The following PALM2AKAP2 variants were observed in gnomAD, a reference collection of about 807,000 sequenced individuals.
PALM2AKAP2 encodes PALM2-AKAP2 fusion protein.
PALM2AKAP2 carries 37 observed loss-of-function variants against 71.5 expected under a neutral mutation model. The ratio of observed to expected loss-of-function variants is 0.52; its 90% confidence interval spans 0.40 to 0.68. The LOEUF (loss-of-function observed/expected upper bound fraction) is 0.68, where lower values mean the gene tolerates loss of function less well. Among genes scored for constraint, PALM2AKAP2 ranks in the 30% least tolerant of loss-of-function variants. The pLI is 0.00. For synonymous variants in PALM2AKAP2, 468 were observed against 478.8 expected (o/e 0.98, Z 0.29); for missense variants, 1,224 against 1,191.8 (o/e 1.03, Z -0.40).
At chr9:109,728,324 A>C in intron 1 of PALM2AKAP2, among the ~76,000 whole-genome samples, 1 of 152,248 alleles carries the variant, frequency 6.6e-6, no homozygotes. Context: ...GTGGTTTGGC[A>C]ACTGCCTTGC....
At chr9:109,968,457 C>G (rs919723890) in intron 6 of PALM2AKAP2, among the ~76,000 whole-genome samples, 5 of 152,188 alleles carry the variant, frequency 3.3e-5, no homozygotes, top group African/African-American at 1.2e-4. Context: ...GCGACTAGAT[C>G]TCTCAGTGAA....
chr9:110,005,143 C>A (rs978353631), intron 6 of PALM2AKAP2, among the ~76,000 whole-genome samples: 9 of 152,132 alleles, frequency 5.9e-5, no homozygotes, highest in African/African-American at 1.9e-4. Flanking sequence ...TGTTTTTTCC[C>A]CATCTTTGTG....
At chr9:110,093,797 C>G (rs1834770798) in intron 1 of PALM2AKAP2, among the ~76,000 whole-genome samples, 1 of 152,188 alleles carries the variant, frequency 6.6e-6, no homozygotes, top group African/African-American at 2.4e-5. Context: ...AATCCCTCTC[C>G]CGTTGACCAG....
intron 1 of PALM2AKAP2, among the ~76,000 whole-genome samples, chr9:110,074,597 C>T (rs938280439): frequency 6.6e-6 from 1 of 152,178 alleles, no homozygotes. Flanking sequence ...AATAACGAGG[C>T]ATTATGTCTG....
intron 1 of PALM2AKAP2, among the ~76,000 whole-genome samples, chr9:110,121,964 T>C (rs1175747394): frequency 1.3e-5 from 2 of 152,170 alleles, no homozygotes; most frequent in Non-Finnish European, 2.9e-5. Flanking sequence ...GGGATCTCAT[T>C]TTACCGACCA....
At chr9:110,122,854 G>C (rs536867279) in intron 1 of PALM2AKAP2, among the ~76,000 whole-genome samples, 2 of 152,258 alleles carry the variant, frequency 1.3e-5, no homozygotes, top group African/African-American at 4.8e-5. Flanking sequence ...CACTTAAAGG[G>C]TGTAGAGGTG....
chr9:109,722,592 A>T (rs756869937), intron 1 of PALM2AKAP2, among the ~76,000 whole-genome samples: 3 of 152,114 alleles, frequency 2.0e-5, no homozygotes, highest in Non-Finnish European at 4.4e-5. Flanking sequence ...GGCAACATGG[A>T]AAATCCCCAT....
At chr9:109,707,800 T>C (rs1828166452) in intron 1 of PALM2AKAP2, among the ~76,000 whole-genome samples, 1 of 152,218 alleles carries the variant, frequency 6.6e-6, no homozygotes, top group Non-Finnish European at 1.5e-5. Flanking sequence ...CCAGGATCTT[T>C]CTTTAGATTC....
At chr9:109,803,134 G>C (rs1020219875) in intron 1 of PALM2AKAP2, among the ~76,000 whole-genome samples, 1 of 152,138 alleles carries the variant, frequency 6.6e-6, no homozygotes, top group Admixed American at 6.5e-5. Context: ...ACATTAAAAT[G>C]TACACATTAA....
chr9:110,011,956 A>G (rs1192265611), intron 6 of PALM2AKAP2, among the ~76,000 whole-genome samples: 1 of 152,236 alleles, frequency 6.6e-6, no homozygotes, highest in Non-Finnish European at 1.5e-5. Flanking sequence ...ATGACACAGC[A>G]TAATAAATAC....
chr9:109,913,178 T>C (rs980442096), intron 3 of PALM2AKAP2, among the ~76,000 whole-genome samples: 6 of 152,334 alleles, frequency 3.9e-5, no homozygotes. Context: ...TGATCAGTCT[T>C]CTCTTCCCAC....
chr9:110,032,584 G>A (rs1040826525), intron 7 of PALM2AKAP2, among the ~76,000 whole-genome samples: 4 of 151,810 alleles, frequency 2.6e-5, no homozygotes, highest in Non-Finnish European at 4.4e-5. Flanking sequence ...CCAGCCACTC[G>A]GGAGGCTGAG....
intron 3 of PALM2AKAP2, among the ~76,000 whole-genome samples, chr9:109,921,156 C>G (rs1177807910): frequency 6.6e-6 from 1 of 152,226 alleles, no homozygotes; most frequent in African/African-American, 2.4e-5. Flanking sequence ...AGAATTCACT[C>G]TTGTCTCCAA....
intron 3 of PALM2AKAP2, among the ~76,000 whole-genome samples, chr9:109,894,805 ACGGCCTCGCTCTGTTGCCCAGG>A (rs1830163265): frequency 6.6e-6 from 1 of 152,038 alleles, no homozygotes; most frequent in Non-Finnish European, 1.5e-5. Context: ...TAAGAGAGAC[ACGGCCTCGCTCTGTTGCCCAGG>A]CTGGTCTTGA....
upstream of PALM2AKAP2, among the ~76,000 whole-genome samples, chr9:109,776,658 C>T (rs948793205): frequency 5.3e-5 from 8 of 152,154 alleles, no homozygotes; most frequent in Non-Finnish European, 1.2e-4. Flanking sequence ...GGCTCTGCCT[C>T]TCACTATGGC....
At chr9:109,989,318 G>C (rs961665446) in intron 6 of PALM2AKAP2, among the ~76,000 whole-genome samples, 1 of 152,180 alleles carries the variant, frequency 6.6e-6, no homozygotes, top group Non-Finnish European at 1.5e-5. Flanking sequence ...GCAAGCAGCT[G>C]GGACTATCTA....
At chr9:109,672,538 A>T (rs1375560303) in intron 1 of PALM2AKAP2, among the ~76,000 whole-genome samples, 1 of 152,150 alleles carries the variant, frequency 6.6e-6, no homozygotes, top group Non-Finnish European at 1.5e-5. Flanking sequence ...ATTGATTTTC[A>T]TCAAGAATAT....
intron 6 of PALM2AKAP2, among the ~76,000 whole-genome samples, chr9:109,989,553 A>T (rs1832438965): frequency 6.6e-6 from 1 of 152,234 alleles, no homozygotes; most frequent in African/African-American, 2.4e-5. Flanking sequence ...ACAAAACAGC[A>T]ACAGCAAAAA....
At chr9:109,950,094 A>G (rs1181914079) in intron 6 of PALM2AKAP2, among the ~76,000 whole-genome samples, 15 of 152,164 alleles carry the variant, frequency 9.9e-5, no homozygotes, top group Admixed American at 9.8e-4. Flanking sequence ...AGACCAGGCT[A>G]GGCAACATGT....
Sources: gnomAD v4.1 joint callset for allele counts (sites outside exome capture counted in the v4.1 genomes callset) on GRCh38, gnomAD v4.1.1 for gene constraint, MANE v1.5 for transcripts, NCBI Gene and HGNC (gene_info 2026-07-23, HGNC 2026-07-21) for gene names.